Variants in ALDH6A1 observed in about 807,000 individuals in gnomAD.
ALDH6A1 encodes aldehyde dehydrogenase 6 family member A1.
In ALDH6A1, 43 loss-of-function variants were observed where a neutral mutation model predicts 62.6. That is an observed-to-expected ratio of 0.69 (90% confidence interval 0.54 to 0.89). The LOEUF is 0.89. Ranked by LOEUF, ALDH6A1 falls within the 40% of genes least tolerant of loss-of-function variation. ALDH6A1 has a pLI of 0.00. For missense variants in ALDH6A1, 551 were observed against 661.3 expected, an observed-to-expected ratio of 0.83 and a Z score of 1.83; for synonymous variants, 194 against 234.2, an observed-to-expected ratio of 0.83 and a Z score of 1.57.
intron 7 of ALDH6A1, 110 bp downstream of exon 7, chr14:74,068,750 A>C (rs1436899889): frequency 3.7e-6 from 5 of 1,342,454 alleles, no homozygotes. Flanking sequence ...AAAAAAAAGA[A>C]AGAAACACTG....
rs1053796311 is a variant in ALDH6A1 at position 74,059,982 on chromosome 14, A to G, written c.*660T>C. ...TATAAAAATGGATTATATCTTGTGT[A>G]TTGTGGGATAAAAGAGGGGCTAAAG... On this transcript the variant is annotated 3_prime_UTR_variant, in exon 12 of 12. Coordinates refer to ENST00000553458, the MANE Select transcript of ALDH6A1 (RefSeq NM_005589.4). The G allele has an allele frequency of 1.2e-4, 19 of 154,690 alleles. No homozygotes were observed. Among genetic ancestry groups the G allele is most frequent in the Non-Finnish European group, 4.3e-5 (3 of 69,722 alleles). The allele number at this position is 154,690 out of a possible 1,614,324, so 9.6% of individuals were successfully genotyped here. A position where few individuals can be genotyped will look rare whatever the true frequency, so the allele number is the denominator to read the frequency against.
chr14:74,074,141 C>T (rs763773340), intron 2 of ALDH6A1, among the ~76,000 whole-genome samples: 9 of 151,628 alleles, frequency 5.9e-5, no homozygotes, highest in African/African-American at 1.9e-4. Flanking sequence ...CGCACCACCA[C>T]GCCTGGCTAA....
At chr14:74,073,249 A>G (rs2060574324) in intron 2 of ALDH6A1, among the ~76,000 whole-genome samples, 1 of 152,072 alleles carries the variant, frequency 6.6e-6, no homozygotes, top group African/African-American at 2.4e-5. Context: ...GACTACAGGC[A>G]CATGCTACCA....
intron 9 of ALDH6A1, among the ~76,000 whole-genome samples, chr14:74,066,460 T>G (rs1342692480): frequency 6.6e-6 from 1 of 152,142 alleles, no homozygotes. Flanking sequence ...AGACACTATA[T>G]CCCTGCAAAG....
At chr14:74,081,360 G>A (rs1471912378) in intron 1 of ALDH6A1, 2 of 152,164 alleles carry the variant, frequency 1.3e-5, no homozygotes, top group Non-Finnish European at 2.9e-5. Flanking sequence ...GTACTCTCAA[G>A]TTGGCAGACA....
chr14:74,061,294 C>T (rs2060335194), intron 11 of ALDH6A1, among the ~76,000 whole-genome samples: 1 of 149,298 alleles, frequency 6.7e-6, no homozygotes, highest in African/African-American at 2.5e-5. Context: ...TATAGTAGGC[C>T]ATTTATTTAT....
intron 9 of ALDH6A1, among the ~76,000 whole-genome samples, chr14:74,066,489 T>A (rs1235727798): frequency 6.6e-6 from 1 of 152,092 alleles, no homozygotes; most frequent in Admixed American, 6.6e-5. Flanking sequence ...ATCTATCCCT[T>A]TATGGAAAGT....
chr14:74,072,502 C>T, intron 3 of ALDH6A1, 35 bp downstream of exon 3: 13 of 1,613,616 alleles, frequency 8.1e-6, no homozygotes, highest in Non-Finnish European at 1.1e-5. Flanking sequence ...GAATTCTAGG[C>T]TCATAAGTTG....
Position 74,064,843 on chromosome 14 carries a change from G to T in ALDH6A1, c.1482C>A (p.Asp494Glu). 3 of 1,614,038 alleles carry T rather than the reference G, an allele frequency of 1.9e-6. No homozygotes were observed. Among genetic ancestry groups the T allele is most frequent in the Non-Finnish European group, 2.5e-6 (3 of 1,179,964 alleles). ...TTACCTGTTTGCCATAGAAATTGGT[G>T]TCTCCCCTGAAGGAGGATCGAGAGC... ...FTGSRSSFRGDTNFYGKQGIQ... is the reference protein window; with the variant it reads ...FTGSRSSFRGETNFYGKQGIQ... Residue 494 changes from aspartate to glutamate, a missense_variant, in exon 11 of 12, where the codon GAC becomes GAA. Physicochemically the swap from Asp to Glu is conservative, Grantham distance 45. Transcript: ENST00000553458.
chr14:74,065,011 C>T, intron 10 of ALDH6A1, 91 bp from the exon 11 acceptor site: 13 of 1,377,206 alleles, frequency 9.4e-6, no homozygotes, highest in Non-Finnish European at 1.2e-5. Flanking sequence ...TTTAAATACC[C>T]ACCTTCTACC....
chr14:74,074,872 A>G, intron 2 of ALDH6A1, 83 bp downstream of exon 2: 1 of 1,382,132 alleles, frequency 7.2e-7, no homozygotes, highest in East Asian at 2.3e-5. Context: ...CACTCTGATG[A>G]CAATTATGTA....
At chr14:74,078,145 T>G in intron 1 of ALDH6A1, 3 of 452,752 alleles carry the variant, frequency 6.6e-6, no homozygotes, top group South Asian at 4.7e-5. Flanking sequence ...CTCCCAATTC[T>G]ACTAATTCCT....
chr14:74,064,610 C>T (rs1327581363), intron 11 of ALDH6A1: 1 of 1,431,314 alleles, frequency 7.0e-7, no homozygotes, highest in Non-Finnish European at 9.9e-7. Context: ...ATGCTCTTTC[C>T]TCAAAACTTT....
At chr14:74,083,237 C>T (rs143739230) in intron 1 of ALDH6A1, among the ~76,000 whole-genome samples, 105 of 152,324 alleles carry the variant, frequency 6.9e-4, no homozygotes, top group African/African-American at 2.5e-3. Flanking sequence ...ACTAATATTA[C>T]CTAAAAGCTC....
chr14:74,078,473 C>A, intron 1 of ALDH6A1: 1 of 263,986 alleles, frequency 3.8e-6, no homozygotes, highest in Non-Finnish European at 7.6e-6. Flanking sequence ...CCTGCCTCAG[C>A]CTCCCAAATA....
At chr14:74,072,678 CT>C in intron 2 of ALDH6A1, 67 bp from the exon 3 acceptor site, 1 of 1,554,270 alleles carries the variant, frequency 6.4e-7, no homozygotes, top group South Asian at 1.1e-5. Context: ...AATTGCTTTG[CT>C]TTTCCCTTTC....
intron 1 of ALDH6A1, 93 bp from the exon 2 acceptor site, chr14:74,075,110 T>C: frequency 8.9e-7 from 1 of 1,118,410 alleles, no homozygotes; most frequent in Middle Eastern, 2.0e-4. Flanking sequence ...TGCTATAGTA[T>C]ATAGGGGGTA....
In ALDH6A1 at chr14:74,057,496, C is replaced by T; in HGVS notation, c.*3146G>A. 1 of 1,397,672 alleles carries T rather than the reference C, an allele frequency of 7.2e-7. No individual in the cohort carries two copies. The highest frequency in any genetic ancestry group is 9.3e-7 in the Non-Finnish European group (1 of 1,074,718). 86.6% of individuals were successfully genotyped at this position (1,397,672 alleles called of 1,614,324 possible). A position where few individuals can be genotyped will look rare whatever the true frequency, so the allele number is the denominator to read the frequency against. On this transcript the variant is annotated 3_prime_UTR_variant, in exon 12 of 12. Coordinates refer to ENST00000553458, the MANE Select transcript of ALDH6A1 (RefSeq NM_005589.4). Reference sequence around the variant, plus strand: ...TTTTGTGTAGAAACCTATAGGTTGCCTTTTGAAGTAAACAGCCTAGCCAAA... The same window carrying T: ...TTTTGTGTAGAAACCTATAGGTTGCTTTTTGAAGTAAACAGCCTAGCCAAA...
intron 6 of ALDH6A1, 31 bp downstream of exon 6, chr14:74,071,164 A>G: frequency 6.3e-7 from 1 of 1,597,174 alleles, no homozygotes; most frequent in East Asian, 2.2e-5. Context: ...TGGTAGCCAG[A>G]TTAAGTAGCC....
Sources: gnomAD v4.1 joint callset for allele counts (sites outside exome capture counted in the v4.1 genomes callset) on GRCh38, gnomAD v4.1.1 for gene constraint, MANE v1.5 for transcripts, NCBI Gene and HGNC (gene_info 2026-07-23, HGNC 2026-07-21) for gene names.